Variants in LSAMP observed in about 807,000 individuals in gnomAD.
LSAMP encodes limbic system-associated membrane protein.
LSAMP carries 7 observed loss-of-function variants against 38.6 expected under a neutral mutation model. That is an observed-to-expected ratio of 0.18 (90% CI 0.10 to 0.34). The LOEUF is 0.34. LSAMP is among the 10% of genes least tolerant of loss of function. LSAMP has a pLI of 1.00. For missense variants in LSAMP, 313 were observed against 420.0 expected (o/e 0.75, Z 2.23); for synonymous variants, 154 against 166.8 (o/e 0.92, Z 0.59).
chr3:115,957,862 G>C (rs929226660), intron 3 of LSAMP, among the ~76,000 whole-genome samples: 2 of 152,088 alleles, frequency 1.3e-5, no homozygotes, highest in Non-Finnish European at 2.9e-5. Context: ...CCTTGTTGTA[G>C]AGGCTTTTTG....
At chr3:116,209,535 G>A (rs2046123967) in intron 1 of LSAMP, among the ~76,000 whole-genome samples, 1 of 152,096 alleles carries the variant, frequency 6.6e-6, no homozygotes, top group African/African-American at 2.4e-5. Flanking sequence ...AAGCCAGTAA[G>A]GTTCAAATTG....
intron 3 of LSAMP, among the ~76,000 whole-genome samples, chr3:115,934,595 T>C (rs536121125): frequency 1.3e-5 from 2 of 152,346 alleles, no homozygotes; most frequent in South Asian, 2.1e-4. Flanking sequence ...CACTGTATTA[T>C]GTAAGATAGC....
intron 3 of LSAMP, among the ~76,000 whole-genome samples, chr3:115,982,662 T>A (rs1022623362): frequency 1.3e-5 from 2 of 152,096 alleles, no homozygotes; most frequent in African/African-American, 4.8e-5. Context: ...TCTTTTCTTT[T>A]CTTTCAGTCT....
At chr3:115,883,046 A>G (rs915232577) in intron 3 of LSAMP, among the ~76,000 whole-genome samples, 1 of 152,104 alleles carries the variant, frequency 6.6e-6, no homozygotes, top group East Asian at 1.9e-4. Context: ...TGCAGAGAGA[A>G]TGAAGCAGAT....
chr3:116,379,029 ACACAC>A (rs2048525286), intron 1 of LSAMP, among the ~76,000 whole-genome samples: 1 of 149,436 alleles, frequency 6.7e-6, no homozygotes, highest in African/African-American at 2.5e-5. Flanking sequence ...ACACACACAC[ACACAC>A]GAGTCCTACC....
At position 115,868,580 on chromosome 3, in the gene LSAMP, C is replaced by T. The variant is rs144993421; in HGVS notation, c.515-15963G>A. On this transcript the variant is annotated intron_variant, in intron 3 of 6. Transcript: ENST00000490035. Reference sequence around the variant, plus strand: ...CAGGAACATGGAATTTTCCCCTAAACGAGCATAAATATATTTTTCACTAAA... The same window carrying T: ...CAGGAACATGGAATTTTCCCCTAAATGAGCATAAATATATTTTTCACTAAA... 3.0e-3 allele frequency among the ~76,000 whole-genome samples: 460 copies of T among 152,018 alleles called. 2 individuals carry two copies. The highest frequency in any genetic ancestry group is 3.9e-3 in the Non-Finnish European group (266 of 67,968).
chr3:116,329,242 T>A (rs1020875719), intron 1 of LSAMP, among the ~76,000 whole-genome samples: 6 of 152,302 alleles, frequency 3.9e-5, no homozygotes, highest in Admixed American at 1.3e-4. Context: ...TATCTACCTT[T>A]TATTGCAATT....
rs546764068 is a variant in LSAMP at position 116,109,864 on chromosome 3, G to A, written c.156-23308C>T. On this transcript the variant is annotated intron_variant, in intron 1 of 6. Transcript: ENST00000490035. ...GGGGGTTCTTACCCTCCAGAAAAGC[G>A]GGAAGGGGGGTCGGGGCATGGAAAT... 8.8e-4 allele frequency among the ~76,000 whole-genome samples: 133 copies of A among 151,954 alleles called. 5 individuals carry two copies. In the South Asian group the frequency reaches 0.027, roughly 31 times the overall value.
rs780908522 is a variant in LSAMP, at chr3:115,852,574, G to T, written c.558C>A (p.Gly186=). ...EGEEEYLEIL[G]ITREQSGKYE... ...ATTTGCCTGACTGCTCCCTGGTGAT[G>T]CCAAGGATCTCCAGATATTCTTCTT... is the stretch of plus-strand genomic sequence containing the variant. Residue 186 remains glycine (G), a synonymous_variant, in exon 4 of 7, where the codon GGC becomes GGA. Transcript: ENST00000490035. The T allele has an allele frequency of 1.2e-5, 19 of 1,613,562 alleles. No homozygotes were observed. Among genetic ancestry groups the T allele is most frequent in the Non-Finnish European group, 1.7e-6 (2 of 1,179,808 alleles).
intron 2 of LSAMP, among the ~76,000 whole-genome samples, chr3:116,076,901 C>A (rs1707755700): frequency 6.6e-6 from 1 of 151,876 alleles, no homozygotes; most frequent in South Asian, 2.1e-4. Context: ...TATATTTTTG[C>A]AGCTTTGTGA....
At chr3:116,255,893 G>T (rs2107653269) in intron 1 of LSAMP, among the ~76,000 whole-genome samples, 1 of 152,214 alleles carries the variant, frequency 6.6e-6, no homozygotes, top group South Asian at 2.1e-4. Context: ...CTGCTGAGAG[G>T]TTTGTTTATT....
intron 3 of LSAMP, among the ~76,000 whole-genome samples, chr3:115,856,894 G>C (rs1373062089): frequency 6.6e-6 from 1 of 152,198 alleles, no homozygotes; most frequent in African/African-American, 2.4e-5. Context: ...AATTCAAAGA[G>C]ATACTAGAGT....
intron 3 of LSAMP, among the ~76,000 whole-genome samples, chr3:115,983,770 C>G (rs1939431594): frequency 6.6e-6 from 1 of 152,128 alleles, no homozygotes; most frequent in African/African-American, 2.4e-5. Context: ...AGATGATTAA[C>G]ACGATATGGC....
intron 3 of LSAMP, among the ~76,000 whole-genome samples, chr3:115,987,268 G>A (rs1378989092): frequency 6.6e-6 from 1 of 152,178 alleles, no homozygotes; most frequent in Admixed American, 6.6e-5. Flanking sequence ...TGAATTGTGA[G>A]TGGAAGTGAA....
chr3:116,136,340 A>G (rs1709247194), intron 1 of LSAMP, among the ~76,000 whole-genome samples: 1 of 151,038 alleles, frequency 6.6e-6, no homozygotes, highest in Non-Finnish European at 1.5e-5. Flanking sequence ...TTTAAACCTC[A>G]TCTCTCAGTC....
At chr3:116,343,265 T>C (rs2048021217) in intron 1 of LSAMP, among the ~76,000 whole-genome samples, 1 of 151,996 alleles carries the variant, frequency 6.6e-6, no homozygotes, top group South Asian at 2.1e-4. Flanking sequence ...GCAAACACAG[T>C]GAAACATGGG....
chr3:116,278,370 C>G (rs1274090592), intron 1 of LSAMP, among the ~76,000 whole-genome samples: 1 of 151,934 alleles, frequency 6.6e-6, no homozygotes, highest in Non-Finnish European at 1.5e-5. Context: ...TTAAATGAAA[C>G]TATTAGCTGA....
At chr3:115,948,742 A>C (rs1278977471) in intron 3 of LSAMP, among the ~76,000 whole-genome samples, 6 of 152,220 alleles carry the variant, frequency 3.9e-5, no homozygotes, top group Non-Finnish European at 8.8e-5. Context: ...AGAGCAAACC[A>C]AAATCAAACC....
chr3:115,922,236 G>A (rs1354890547), intron 3 of LSAMP, among the ~76,000 whole-genome samples: 1 of 151,978 alleles, frequency 6.6e-6, no homozygotes, highest in Non-Finnish European at 1.5e-5. Context: ...AGTCCCATAA[G>A]TGCCTTAGGT....
Sources: allele counts gnomAD v4.1 joint callset (sites outside exome capture counted in the v4.1 genomes callset), GRCh38; gene constraint gnomAD v4.1.1; transcripts MANE v1.5; gene names NCBI Gene and HGNC (gene_info 2026-07-23, HGNC 2026-07-21).